SEMA4D: variants seen among roughly 807,000 people sequenced by gnomAD.
The protein encoded by SEMA4D is semaphorin-4D.
In SEMA4D, 22 loss-of-function variants were observed where a neutral mutation model predicts 74.8. That is an observed-to-expected ratio of 0.29 (90% CI 0.21 to 0.42). The LOEUF is 0.42. Among genes scored for constraint, SEMA4D ranks in the 10% least tolerant of loss-of-function variants. The pLI is 1.00. For synonymous variants in SEMA4D, 445 were observed against 463.7 expected, an observed-to-expected ratio of 0.96 and a Z score of 0.52; for missense variants, 937 against 1,118.4, an observed-to-expected ratio of 0.84 and a Z score of 2.31.
intron 2 of SEMA4D, chr9:89,449,678 C>T: frequency 6.6e-7 from 1 of 1,511,138 alleles, no homozygotes; most frequent in Non-Finnish European, 9.2e-7. Flanking sequence ...ACGCATCTAG[C>T]TCAGGTGTGT....
At chr9:89,361,413 C>T (rs903048606) in exon 19 of SEMA4D, 4 of 152,226 alleles carry the variant, frequency 2.6e-5, no homozygotes, top group African/African-American at 9.7e-5. Context: ...TGACTTTTAA[C>T]AGAGGCTTTG....
intron 1 of SEMA4D, among the ~76,000 whole-genome samples, chr9:89,478,775 C>CACCCG (rs1862412519): frequency 6.7e-6 from 1 of 149,352 alleles, no homozygotes; most frequent in Non-Finnish European, 1.5e-5. Flanking sequence ...CACCCCACCC[C>CACCCG]ACCCCACCCC....
intron 2 of SEMA4D, among the ~76,000 whole-genome samples, chr9:89,438,959 C>CG (rs1851075672): frequency 7.8e-6 from 1 of 127,798 alleles, no homozygotes; most frequent in South Asian, 2.6e-4. Flanking sequence ...GCCACCGCAC[C>CG]GGGCCTTTTT....
intron 2 of SEMA4D, among the ~76,000 whole-genome samples, chr9:89,408,191 G>GATA (rs971232019): frequency 2.0e-5 from 3 of 152,228 alleles, no homozygotes; most frequent in Non-Finnish European, 4.4e-5. Flanking sequence ...ATTAGCATCT[G>GATA]ATAATAATAA....
At chr9:89,479,795 C>T (rs1355748483) in intron 1 of SEMA4D, 2 of 164,202 alleles carry the variant, frequency 1.2e-5, no homozygotes, top group Non-Finnish European at 2.6e-5. Flanking sequence ...GTGAGTGTTA[C>T]AGCTCATAAA....
intron 2 of SEMA4D, among the ~76,000 whole-genome samples, chr9:89,416,816 A>G (rs1845815469): frequency 6.6e-6 from 1 of 152,258 alleles, no homozygotes; most frequent in Non-Finnish European, 1.5e-5. Context: ...CCAAGTCAGT[A>G]GACCAAAAAT....
intron 2 of SEMA4D, chr9:89,450,713 A>G: frequency 7.9e-7 from 1 of 1,259,700 alleles, no homozygotes; most frequent in Non-Finnish European, 1.1e-6. Context: ...AGAGAATGCC[A>G]CCAGTGGGGA....
At chr9:89,399,942 A>C in intron 4 of SEMA4D, among the ~76,000 whole-genome samples, 1 of 146,070 alleles carries the variant, frequency 6.8e-6, no homozygotes, top group African/African-American at 2.6e-5. Context: ...AGGTTGCAGT[A>C]AGCCGAGATC....
intron 2 of SEMA4D, among the ~76,000 whole-genome samples, chr9:89,410,094 A>T (rs1844198224): frequency 6.6e-6 from 1 of 150,376 alleles, no homozygotes; most frequent in Non-Finnish European, 1.5e-5. Flanking sequence ...CGGTGGGGTA[A>T]GGTGGGGGGT....
intron 4 of SEMA4D, among the ~76,000 whole-genome samples, chr9:89,401,352 CA>C (rs1842184992): frequency 6.6e-6 from 1 of 152,230 alleles, no homozygotes; most frequent in Non-Finnish European, 1.5e-5. Context: ...CCACAGCACC[CA>C]GCCAAATACT....
intron 2 of SEMA4D, among the ~76,000 whole-genome samples, chr9:89,439,794 G>A (rs553159670): frequency 6.6e-6 from 1 of 152,286 alleles, no homozygotes; most frequent in South Asian, 2.1e-4. Flanking sequence ...CTATTTACAG[G>A]TTATTTTCTC....
chr9:89,468,850 TA>T (rs1423420704), intron 1 of SEMA4D, among the ~76,000 whole-genome samples: 1 of 152,110 alleles, frequency 6.6e-6, no homozygotes, highest in Non-Finnish European at 1.5e-5. Flanking sequence ...CCTATTAACT[TA>T]CCACTCAGGC....
Position 89,492,598 on chromosome 9 carries a change from A to C in SEMA4D, c.-310+5321T>G, listed in dbSNP as rs1825716429. Among the ~76,000 whole-genome samples the C allele has an allele frequency of 6.6e-6, 1 of 150,946 alleles. No individual in the cohort carries two copies. Among genetic ancestry groups the C allele is most frequent in the African/African-American group, 2.4e-5 (1 of 40,848 alleles). On this transcript the variant is annotated intron_variant, in intron 1 of 15. Transcript: ENST00000422704. The surrounding 1 kb of genome is among the most constrained non-coding windows in gnomAD (Gnocchi z 4.3). ...CACACCATCCCTCTGAATCCTCACA[A>C]CTCCTCCCCTGAAGACCTCAGTCTC...
intron 16 of SEMA4D, among the ~76,000 whole-genome samples, chr9:89,369,950 A>C (rs1834286156): frequency 6.6e-6 from 1 of 150,434 alleles, no homozygotes; most frequent in South Asian, 2.1e-4. Context: ...TGTGGTGTGT[A>C]TGTGCTTTGG....
At chr9:89,474,256 A>T (rs1185007730) in intron 1 of SEMA4D, among the ~76,000 whole-genome samples, 1 of 152,194 alleles carries the variant, frequency 6.6e-6, no homozygotes, top group Admixed American at 6.5e-5. Flanking sequence ...AGCCTGACTC[A>T]TTTACCCAGC....
intron 1 of SEMA4D, among the ~76,000 whole-genome samples, chr9:89,479,175 A>C (rs974429114): frequency 2.2e-4 from 33 of 152,288 alleles, no homozygotes; most frequent in Admixed American, 2.1e-3. Flanking sequence ...TCCCAGAGCC[A>C]GCATCCTGGT....
intron 2 of SEMA4D, among the ~76,000 whole-genome samples, chr9:89,424,821 C>T (rs1489659588): frequency 6.6e-6 from 1 of 152,060 alleles, no homozygotes; most frequent in Non-Finnish European, 1.5e-5. Flanking sequence ...TTCTTACGGC[C>T]CCTGTGCCCC....
intron 2 of SEMA4D, among the ~76,000 whole-genome samples, chr9:89,406,520 T>A (rs1843355315): frequency 6.6e-6 from 1 of 152,220 alleles, no homozygotes; most frequent in Non-Finnish European, 1.5e-5. Context: ...GCATGGCTAC[T>A]GTCCTGGTGT....
chr9:89,464,700 C>T (rs534763049), intron 1 of SEMA4D, among the ~76,000 whole-genome samples: 3 of 152,314 alleles, frequency 2.0e-5, no homozygotes, highest in South Asian at 4.1e-4. Context: ...CAGAGGTCAA[C>T]CATCAGAGAG....
Sources: allele counts gnomAD v4.1 joint callset (sites outside exome capture counted in the v4.1 genomes callset), GRCh38; gene constraint gnomAD v4.1.1; non-coding constraint Gnocchi (gnomAD v3.1); transcripts MANE v1.5; gene names NCBI Gene and HGNC (gene_info 2026-07-23, HGNC 2026-07-21).